TRMT61B: variants seen among roughly 807,000 people sequenced by gnomAD.
TRMT61B encodes the protein tRNA (adenine(58)-N(1))-methyltransferase, mitochondrial.
A neutral mutation model predicts 52.0 loss-of-function variants in TRMT61B; 56 were observed. The observed-to-expected ratio is 1.08, with a 90% confidence interval of 0.87 to 1.35. The LOEUF (loss-of-function observed/expected upper bound fraction) is 1.35, where lower values mean the gene tolerates loss of function less well. TRMT61B is among the 40% of genes most tolerant of loss of function. TRMT61B has a pLI of 0.00. For missense variants in TRMT61B, 650 were observed against 577.9 expected (o/e 1.12, Z -1.28); for synonymous variants, 206 against 220.0 (o/e 0.94, Z 0.56).
chr2:28,851,366 T>A (rs980013416), intron 4 of TRMT61B, 68 bp from the exon 5 acceptor site: 1 of 1,085,866 alleles, frequency 9.2e-7, no homozygotes, highest in African/African-American at 1.6e-5. Context: ...AAGTTCCCTA[T>A]ACCTCTTGCC....
At chr2:28,866,948 A>G (rs928903049) in intron 1 of TRMT61B, among the ~76,000 whole-genome samples, 5 of 151,888 alleles carry the variant, frequency 3.3e-5, no homozygotes, top group African/African-American at 1.2e-4. Context: ...GGCATGTACC[A>G]CCATGCCCAA....
At chr2:28,862,547 G>C (rs940704563) in intron 2 of TRMT61B, among the ~76,000 whole-genome samples, 40 of 150,858 alleles carry the variant, frequency 2.7e-4, no homozygotes, top group Non-Finnish European at 4.6e-4. Flanking sequence ...TTGCCAGACT[G>C]GTCTCAAACT....
Position 28,869,658 on chromosome 2 carries a change from T to C in TRMT61B, c.620A>G (p.Lys207Arg), listed in dbSNP as rs1329979539. 9 of 1,614,170 alleles carry C rather than the reference T, an allele frequency of 5.6e-6. No individual in the cohort carries two copies. Among genetic ancestry groups the C allele is most frequent in the East Asian group, 2.2e-5 (1 of 44,884 alleles). ...GGCTGGCCTCCTCAGCATGTACTGC[T>C]TACCGAAGGAACTCCTCAGTATCTG... is the stretch of plus-strand genomic sequence containing the variant. ...PGQILRSSFGKQYMLRRPALE... is the reference protein window; with the variant it reads ...PGQILRSSFGRQYMLRRPALE... Residue 207 changes from lysine to arginine, a missense_variant, in exon 1 of 7, where the codon AAG (lysine) becomes AGG (arginine). By Grantham distance (26) the Lys-to-Arg change is conservative. Coordinates refer to ENST00000306108, the MANE Select transcript of TRMT61B (RefSeq NM_017910.4).
At chr2:28,853,823 G>C (rs577359454) in intron 3 of TRMT61B, among the ~76,000 whole-genome samples, 2 of 131,708 alleles carry the variant, frequency 1.5e-5, no homozygotes, top group African/African-American at 5.6e-5. Context: ...GTGACAGAGT[G>C]AGATTCTGTC....
At chr2:28,855,702 C>G (rs1479055239) in intron 3 of TRMT61B, among the ~76,000 whole-genome samples, 2 of 152,134 alleles carry the variant, frequency 1.3e-5, no homozygotes, top group Non-Finnish European at 2.9e-5. Flanking sequence ...GGCATGGTGG[C>G]TCACACCTGT....
In TRMT61B at chr2:28,870,270, A is replaced by G. The variant is rs1572562790; in HGVS notation, c.8T>C (p.Met3Thr). ML[M>T]AWCRGPVLLC... ...CAAGACAGGACCGCGGCACCATGCC[A>G]TTAGCATAGTGTTTCGCGAAGGCGC... The change falls in exon 1 of 7, where the codon ATG (methionine) becomes ACG (threonine). Residue 3 changes from methionine to threonine, a missense_variant. Met to Thr is a moderately conservative substitution (Grantham distance 81). Transcript: ENST00000306108. 1.3e-6 allele frequency: 2 copies of G among 1,580,906 alleles called. No individual in the cohort carries two copies. The highest frequency in any genetic ancestry group is 2.3e-5 in the East Asian group (1 of 44,442).
chr2:28,853,614 T>C (rs1359843394), intron 3 of TRMT61B, among the ~76,000 whole-genome samples: 1 of 151,926 alleles, frequency 6.6e-6, no homozygotes, highest in African/African-American at 2.4e-5. Flanking sequence ...GGCGGGTGGA[T>C]CACCTGAGGT....
In TRMT61B at chr2:28,869,719, C is replaced by A. The variant is rs147612214; in HGVS notation, c.559G>T (p.Val187Phe). ...TTCCCCACGATCTTGCCGAACGGGACTGCCCCCCAGTTACTATTTAAGAGT... is the reference window on the plus strand; with the variant it reads ...TTCCCCACGATCTTGCCGAACGGGAATGCCCCCCAGTTACTATTTAAGAGT... ...FGLLNSNWGA[V>F]PFGKIVGKFP... The change falls in exon 1 of 7, where the codon GTC (valine) becomes TTC (phenylalanine). Residue 187 changes from valine to phenylalanine, a missense_variant. Val to Phe is a conservative substitution (Grantham distance 50, BLOSUM62 -1). Coordinates refer to ENST00000306108, the MANE Select transcript of TRMT61B (RefSeq NM_017910.4). The A allele has an allele frequency of 3.7e-6, 6 of 1,614,092 alleles. No homozygotes were observed. The African/African-American group carries it at 6.7e-5, about 18-fold the overall frequency.
chr2:28,855,796 C>T (rs940839295), intron 3 of TRMT61B, among the ~76,000 whole-genome samples: 4 of 152,260 alleles, frequency 2.6e-5, no homozygotes, highest in East Asian at 3.9e-4. Context: ...TGGTGAAACC[C>T]TGTCTCTACT....
chr2:28,854,252 C>T (rs1213489713), intron 3 of TRMT61B, among the ~76,000 whole-genome samples: 1 of 151,954 alleles, frequency 6.6e-6, no homozygotes, highest in African/African-American at 2.4e-5. Context: ...AGACATTAAA[C>T]AAAAATAAGA....
In TRMT61B at chr2:28,865,012, C is replaced by T; in HGVS notation, c.802+5G>A. ...ACTGAGATCCAGCTCAGTCCAATCT[C>T]TTACCTGCTTTGGATAAAAATAAGC... On this transcript the variant is annotated splice_donor_5th_base_variant and intron_variant, in intron 2 of 6. Transcript: ENST00000306108. 6.3e-7 allele frequency: 1 copy of T among 1,585,638 alleles called. No homozygotes were observed.
intron 3 of TRMT61B, among the ~76,000 whole-genome samples, chr2:28,858,717 C>T (rs930026052): frequency 6.8e-6 from 1 of 146,916 alleles, no homozygotes; most frequent in Non-Finnish European, 1.5e-5. Context: ...ATCGCTTGAA[C>T]CCGGGAGGCG....
At chr2:28,859,581 C>T (rs1669509429) in intron 3 of TRMT61B, among the ~76,000 whole-genome samples, 1 of 151,446 alleles carries the variant, frequency 6.6e-6, no homozygotes, top group South Asian at 2.1e-4. Context: ...ATATAACTCT[C>T]CCCCAGCAGC....
rs559113222 is a variant in TRMT61B, at chr2:28,870,084, T to G, written c.194A>C (p.Glu65Ala). ...EAAQRKAPGA[E>A]SCPSLPLSIS... ...GCTCAGAGGGAGAGATGGGCAAGAC[T>G]CTGCTCCTGGGGCTTTCCTTTGTGC... is the stretch of plus-strand genomic sequence containing the variant. Residue 65 changes from glutamate to alanine, a missense_variant, in exon 1 of 7, where the codon GAG (glutamate) becomes GCG (alanine). Physicochemically the swap from Glu to Ala is moderately radical, Grantham distance 107. Coordinates refer to ENST00000306108, the MANE Select transcript of TRMT61B (RefSeq NM_017910.4). The G allele has an allele frequency of 6.2e-7, 1 of 1,613,932 alleles. No homozygotes were observed. Among genetic ancestry groups the G allele is most frequent in the South Asian group, 1.1e-5 (1 of 91,062 alleles).
intron 3 of TRMT61B, among the ~76,000 whole-genome samples, chr2:28,857,040 C>T (rs377616596): frequency 1.1e-3 from 164 of 151,664 alleles, no homozygotes; most frequent in African/African-American, 3.8e-3. Context: ...TTCCAGCGAT[C>T]CTCCTACCTC....
At chr2:28,868,406 A>T (rs1203373393) in intron 1 of TRMT61B, among the ~76,000 whole-genome samples, 1 of 152,162 alleles carries the variant, frequency 6.6e-6, no homozygotes, top group African/African-American at 2.4e-5. Flanking sequence ...GGTCACCCAA[A>T]ACAATGTCAT....
In TRMT61B at chr2:28,850,501, GT is replaced by G. The variant is rs1375572673; in HGVS notation, c.1313-97del. 7 of 798,466 alleles carry G rather than the reference GT, an allele frequency of 8.8e-6. No homozygotes were observed. The African/African-American group carries it at 1.2e-4, about 14-fold the overall frequency. 49.5% of individuals were successfully genotyped at this position (798,466 alleles called of 1,614,324 possible). On this transcript the variant is annotated intron_variant, in intron 5 of 6. Coordinates refer to ENST00000306108, the MANE Select transcript of TRMT61B (RefSeq NM_017910.4). The stretch of plus-strand genomic sequence containing the variant: ...ATATGAGTTACTCTCTTTATTGTAA[GT>G]TTTTTCTTTATTTATTTCCTTGCAT...
intron 3 of TRMT61B, among the ~76,000 whole-genome samples, chr2:28,853,307 C>T (rs1669201250): frequency 6.6e-6 from 1 of 151,974 alleles, no homozygotes; most frequent in Non-Finnish European, 1.5e-5. Context: ...TCTCGAGTAG[C>T]TGAGACTACA....
intron 3 of TRMT61B, among the ~76,000 whole-genome samples, chr2:28,859,462 T>C (rs142021514): frequency 3.3e-5 from 5 of 152,340 alleles, no homozygotes; most frequent in Admixed American, 6.5e-5. Flanking sequence ...TGTACAATTT[T>C]TAGAAACGTT....
Sources: gnomAD v4.1 joint callset for allele counts (sites outside exome capture counted in the v4.1 genomes callset) on GRCh38, gnomAD v4.1.1 for gene constraint, MANE v1.5 for transcripts, NCBI Gene and HGNC (gene_info 2026-07-23, HGNC 2026-07-21) for gene names.